Variants in JAZF1 observed in about 807,000 individuals in gnomAD.
The protein encoded by JAZF1 is JAZF zinc finger 1, also known as juxtaposed with another zinc finger protein 1.
JAZF1 carries 8 observed loss-of-function variants against 26.4 expected under a neutral mutation model. The observed-to-expected ratio is 0.30, with a 90% CI of 0.18 to 0.55. JAZF1 has a LOEUF of 0.55. Ranked by LOEUF, JAZF1 falls within the 20% of genes least tolerant of loss-of-function variation. JAZF1 has a pLI of 0.94. For missense variants in JAZF1, 199 were observed against 322.0 expected, an observed-to-expected ratio of 0.62 and a Z score of 2.92; for synonymous variants, 126 against 122.3, an observed-to-expected ratio of 1.03 and a Z score of -0.20.
chr7:28,080,769 A>G (rs1360467958), intron 1 of JAZF1, among the ~76,000 whole-genome samples: 2 of 152,180 alleles, frequency 1.3e-5, no homozygotes, highest in African/African-American at 4.8e-5. Context: ...AGTTCATGGC[A>G]CCACCAATTA....
intron 1 of JAZF1, among the ~76,000 whole-genome samples, chr7:28,175,144 C>T (rs1447926853): frequency 1.3e-5 from 2 of 152,170 alleles, no homozygotes; most frequent in Non-Finnish European, 2.9e-5. Flanking sequence ...GCTTTGACAC[C>T]ACTTTCCCAG....
chr7:27,852,839 C>T (rs1783176327), intron 3 of JAZF1, among the ~76,000 whole-genome samples: 1 of 152,170 alleles, frequency 6.6e-6, no homozygotes, highest in South Asian at 2.1e-4. Context: ...CAATTAATTA[C>T]CAGTCATTAT....
chr7:27,892,986 C>G (rs1454466784), intron 3 of JAZF1, among the ~76,000 whole-genome samples: 3 of 152,218 alleles, frequency 2.0e-5, no homozygotes, highest in Non-Finnish European at 4.4e-5. Context: ...GGCAGCAACT[C>G]TGGTTTATCT....
At chr7:28,080,899 C>T (rs1784125123) in intron 1 of JAZF1, among the ~76,000 whole-genome samples, 1 of 149,980 alleles carries the variant, frequency 6.7e-6, no homozygotes, top group Admixed American at 6.6e-5. Flanking sequence ...AAGCACATGC[C>T]ATTGGGAAAA....
intron 1 of JAZF1, among the ~76,000 whole-genome samples, chr7:28,142,344 G>A (rs937253835): frequency 6.6e-6 from 1 of 152,088 alleles, no homozygotes. Flanking sequence ...GTACTCTGAG[G>A]ACCACACTTC....
intron 2 of JAZF1, among the ~76,000 whole-genome samples, chr7:27,979,753 T>C (rs991294681): frequency 9.2e-5 from 14 of 152,132 alleles, no homozygotes; most frequent in Non-Finnish European, 1.5e-5. Context: ...CCCTGCCTCA[T>C]TGGTGAGTCA....
rs1784816479 is a variant in JAZF1 at position 27,939,860 on chromosome 7, A to G, written c.189-44444T>C. 1.3e-5 allele frequency among the ~76,000 whole-genome samples: 2 copies of G among 152,118 alleles called. 1 individual carries two copies. Among genetic ancestry groups the G allele is most frequent in the South Asian group, 4.2e-4 (2 of 4,816 alleles). ...TCGGTTCTCATCACGGGGTCTACAC[A>G]TGATGTTTATTGGGATGAACACATT... On this transcript the variant is annotated intron_variant, in intron 2 of 4. Transcript: ENST00000283928.
intron 1 of JAZF1, among the ~76,000 whole-genome samples, chr7:28,007,948 T>C (rs1309029196): frequency 6.6e-6 from 1 of 152,172 alleles, no homozygotes; most frequent in Non-Finnish European, 1.5e-5. Context: ...TTGGAAGCAC[T>C]GGGATGAAAT....
At chr7:27,944,915 T>G (rs1562536535) in intron 2 of JAZF1, among the ~76,000 whole-genome samples, 1 of 152,162 alleles carries the variant, frequency 6.6e-6, no homozygotes, top group Admixed American at 6.5e-5. Flanking sequence ...TAATTTCTAT[T>G]TCTCTAAGCC....
intron 1 of JAZF1, among the ~76,000 whole-genome samples, chr7:28,139,524 A>C (rs1351937155): frequency 6.6e-6 from 1 of 152,236 alleles, no homozygotes; most frequent in African/African-American, 2.4e-5. Flanking sequence ...TGAAGACTGG[A>C]GTTATGCTGA....
chr7:27,912,480 G>C (rs370964314), intron 2 of JAZF1, among the ~76,000 whole-genome samples: 2 of 152,068 alleles, frequency 1.3e-5, no homozygotes, highest in African/African-American at 4.8e-5. Flanking sequence ...GCATCCTATC[G>C]AACGATAGGA....
chr7:27,908,059 G>A (rs745817309), intron 2 of JAZF1, among the ~76,000 whole-genome samples: 28 of 152,194 alleles, frequency 1.8e-4, no homozygotes, highest in Non-Finnish European at 3.4e-4. Context: ...GAAAATCAGA[G>A]AACAAAGCTG....
At chr7:28,073,806 G>T (rs903113825) in intron 1 of JAZF1, among the ~76,000 whole-genome samples, 1 of 152,140 alleles carries the variant, frequency 6.6e-6, no homozygotes. Flanking sequence ...GCAACAAAGG[G>T]AAAGAAGGTC....
chr7:27,910,452 G>A (rs1784343129), intron 2 of JAZF1, among the ~76,000 whole-genome samples: 1 of 152,156 alleles, frequency 6.6e-6, no homozygotes, highest in Non-Finnish European at 1.5e-5. Flanking sequence ...TGGACCTTCT[G>A]CTGATTTACA....
At chr7:27,972,729 T>C (rs1785395667) in intron 2 of JAZF1, among the ~76,000 whole-genome samples, 1 of 152,160 alleles carries the variant, frequency 6.6e-6, no homozygotes, top group African/African-American at 2.4e-5. Context: ...AATCATTATA[T>C]ATCCGTATCA....
intron 1 of JAZF1, among the ~76,000 whole-genome samples, chr7:28,166,086 A>G (rs1783363406): frequency 6.6e-6 from 1 of 152,074 alleles, no homozygotes; most frequent in Non-Finnish European, 1.5e-5. Context: ...AGGGAGAAGG[A>G]AAATTAACAA....
At chr7:27,854,997 C>A (rs1783218673) in intron 3 of JAZF1, among the ~76,000 whole-genome samples, 2 of 152,194 alleles carry the variant, frequency 1.3e-5, no homozygotes, top group African/African-American at 4.8e-5. Context: ...TTCAGGTACA[C>A]CAATCAAACA....
intron 3 of JAZF1, among the ~76,000 whole-genome samples, chr7:27,862,752 T>A (rs918866058): frequency 3.9e-5 from 6 of 152,334 alleles, no homozygotes; most frequent in African/African-American, 1.4e-4. Flanking sequence ...CTCACCTCTA[T>A]CTTTATCTTT....
chr7:28,178,206 T>G (rs1783576604), intron 1 of JAZF1, among the ~76,000 whole-genome samples: 1 of 152,196 alleles, frequency 6.6e-6, no homozygotes, highest in South Asian at 2.1e-4. Flanking sequence ...CGTATCAAAC[T>G]CTTAACCTTC....
Sources: allele counts gnomAD v4.1 joint callset (sites outside exome capture counted in the v4.1 genomes callset), GRCh38; gene constraint gnomAD v4.1.1; transcripts MANE v1.5; gene names NCBI Gene and HGNC (gene_info 2026-07-23, HGNC 2026-07-21).